Variants in PREX1 observed in about 807,000 individuals in gnomAD.
PREX1 encodes phosphatidylinositol 3,4,5-trisphosphate-dependent Rac exchanger 1 protein.
PREX1 carries 41 observed loss-of-function variants against 198.3 expected under a neutral mutation model. The ratio of observed to expected loss-of-function variants is 0.21; its 90% confidence interval spans 0.16 to 0.27. The LOEUF (loss-of-function observed/expected upper bound fraction) is 0.27, where lower values mean the gene tolerates loss of function less well. Ranked by LOEUF, PREX1 falls within the 10% of genes least tolerant of loss-of-function variation. The pLI, the probability that PREX1 is intolerant of heterozygous loss-of-function variation, is 1.00. For synonymous variants in PREX1, 843 were observed against 887.2 expected, an observed-to-expected ratio of 0.95 and a Z score of 0.89; for missense variants, 1,620 against 2,200.7, an observed-to-expected ratio of 0.74 and a Z score of 5.28.
At chr20:48,875,720 C>T in the PREX1 span, among the ~76,000 whole-genome samples, 1 of 152,020 alleles carries the variant, frequency 6.6e-6, no homozygotes, top group African/African-American at 2.4e-5. Context: ...TGTTTCAGTG[C>T]AGGGTAAGGG....
At chr20:48,879,254 T>TTC in the PREX1 span, among the ~76,000 whole-genome samples, 1 of 152,228 alleles carries the variant, frequency 6.6e-6, no homozygotes. Flanking sequence ...CATTATTATT[T>TTC]TGCAGTTTCA....
the PREX1 span, among the ~76,000 whole-genome samples, chr20:48,852,546 G>C: frequency 6.6e-6 from 1 of 152,198 alleles, no homozygotes. Flanking sequence ...TACACACCCC[G>C]GTCATCTTTT....
chr20:48,757,180 T>C (rs1029573530), intron 1 of PREX1, among the ~76,000 whole-genome samples: 3 of 152,110 alleles, frequency 2.0e-5, no homozygotes, highest in Admixed American at 6.5e-5. Flanking sequence ...ACTGCTCCAT[T>C]TGAAACAGAC....
chr20:48,764,934 A>T (rs1000243735), intron 1 of PREX1, among the ~76,000 whole-genome samples: 3 of 152,218 alleles, frequency 2.0e-5, no homozygotes, highest in African/African-American at 7.2e-5. Context: ...GAAGCTGGAA[A>T]AGGCAAGGAA....
the PREX1 span, among the ~76,000 whole-genome samples, chr20:48,869,599 G>A: frequency 6.6e-6 from 1 of 152,172 alleles, no homozygotes; most frequent in Non-Finnish European, 1.5e-5. Context: ...CAACCCAAAT[G>A]TCCATCAATG....
intron 32 of PREX1, 62 bp from the exon 33 acceptor site, chr20:48,634,837 C>T (rs2089349891): frequency 1.4e-6 from 2 of 1,463,970 alleles, no homozygotes; most frequent in Non-Finnish European, 1.9e-6. Context: ...GGTTTCCTAT[C>T]AAGATGCTGA....
At chr20:48,862,550 C>T in the PREX1 span, among the ~76,000 whole-genome samples, 1 of 152,000 alleles carries the variant, frequency 6.6e-6, no homozygotes, top group African/African-American at 2.4e-5. Context: ...TCTCATCTCT[C>T]ATCACGTGAC....
chr20:48,753,549 C>T (rs550725519), intron 1 of PREX1, among the ~76,000 whole-genome samples: 7 of 152,070 alleles, frequency 4.6e-5, no homozygotes, highest in African/African-American at 9.7e-5. Flanking sequence ...CACAGCTGAC[C>T]GCAAACAACA....
intron 5 of PREX1, among the ~76,000 whole-genome samples, chr20:48,716,572 G>A (rs1023628795): frequency 2.0e-5 from 3 of 152,232 alleles, no homozygotes; most frequent in Non-Finnish European, 2.9e-5. Flanking sequence ...AGGAAGAGGA[G>A]GTGGTAAGGA....
At chr20:48,711,802 C>A (rs1404982927) in intron 5 of PREX1, among the ~76,000 whole-genome samples, 1 of 152,246 alleles carries the variant, frequency 6.6e-6, no homozygotes, top group Admixed American at 6.5e-5. Context: ...AGGCCACACG[C>A]CCAGTCTGCC....
chr20:48,855,014 G>T, the PREX1 span, among the ~76,000 whole-genome samples: 2 of 152,036 alleles, frequency 1.3e-5, no homozygotes, highest in South Asian at 2.1e-4. Flanking sequence ...CACCTCTCAG[G>T]GCTGTTTTAG....
chr20:48,822,338 C>T (rs1470633693), intron 1 of PREX1, among the ~76,000 whole-genome samples: 1 of 152,210 alleles, frequency 6.6e-6, no homozygotes, highest in East Asian at 1.9e-4. Flanking sequence ...TGGTGCAATT[C>T]AGGATAGTGG....
chr20:48,688,745 G>C lies in PREX1; in HGVS notation c.1246C>G (p.Leu416Val). 6.2e-7 allele frequency: 1 copy of C among 1,614,198 alleles called. No individual in the cohort carries two copies. Among genetic ancestry groups the C allele is most frequent in the Admixed American group, 1.7e-5 (1 of 60,030 alleles). ...TTCTTGTTCATCATCATGTGGTACAGCTTCTCCCCCTTCTCCGCAATCATG... is the reference window on the plus strand; with the variant it reads ...TTCTTGTTCATCATCATGTGGTACACCTTCTCCCCCTTCTCCGCAATCATG... Reference protein sequence around the residue: ...YVMIAEKGEKLYHMMMNKKVN... With the variant: ...YVMIAEKGEKVYHMMMNKKVN... The change falls in exon 10 of 40, where the codon CTG (leucine) becomes GTG (valine). Residue 416 changes from leucine to valine, a missense_variant. By Grantham distance (32) the Leu-to-Val change is conservative (BLOSUM62 1). Around this residue, in one of 7 missense-constraint regions of PREX1, gnomAD observed 488 missense variants for 802.5 expected, o/e 0.61. Transcript: ENST00000371941.
At chr20:48,664,447 T>C (rs1170918303) in intron 15 of PREX1, among the ~76,000 whole-genome samples, 1 of 149,208 alleles carries the variant, frequency 6.7e-6, no homozygotes, top group Non-Finnish European at 1.5e-5. Context: ...TTAGCTGGGG[T>C]TGTGGGGAGG....
At chr20:48,660,165 T>C in intron 15 of PREX1, 104 bp from the exon 16 acceptor site, 5 of 1,429,824 alleles carry the variant, frequency 3.5e-6, no homozygotes, top group African/African-American at 1.4e-5. Flanking sequence ...ATGGACACGT[T>C]TGGTTTGGCA....
chr20:48,841,686 C>A, the PREX1 span, among the ~76,000 whole-genome samples: 31 of 152,194 alleles, frequency 2.0e-4, no homozygotes, highest in Non-Finnish European at 2.5e-4. Context: ...CAGGCAGAGA[C>A]CAATCAGAAC....
chr20:48,713,598 C>T (rs2089946025), intron 5 of PREX1, among the ~76,000 whole-genome samples: 1 of 152,006 alleles, frequency 6.6e-6, no homozygotes, highest in African/African-American at 2.4e-5. Context: ...CTTAGCCAGA[C>T]ACAGTGATGT....
rs542780812 is a variant in PREX1 at position 48,785,291 on chromosome 20, C to T, written c.220-37411G>A. Among the ~76,000 whole-genome samples, 6 of 152,346 alleles carry T rather than the reference C, an allele frequency of 3.9e-5. No homozygotes were observed. In the South Asian group the frequency reaches 1.2e-3, roughly 32 times the overall value. The stretch of plus-strand genomic sequence containing the variant: ...TGTCAGCCTACTTCCTGCCTGGGGT[C>T]TCCTCTGACAAGCCCACAGGAGGTT... On this transcript the variant is annotated intron_variant, in intron 1 of 39. Transcript: ENST00000371941.
intron 1 of PREX1, among the ~76,000 whole-genome samples, chr20:48,813,248 T>C (rs2090444305): frequency 1.3e-5 from 2 of 152,114 alleles, no homozygotes; most frequent in African/African-American, 4.8e-5. Flanking sequence ...GAAACTGAGG[T>C]CCAAGAATCA....
Sources: allele counts gnomAD v4.1 joint callset (sites outside exome capture counted in the v4.1 genomes callset), GRCh38; gene constraint gnomAD v4.1.1; regional missense constraint gnomAD v4.1.1; transcripts MANE v1.5; gene names NCBI Gene and HGNC (gene_info 2026-07-23, HGNC 2026-07-21).